Variants in COLQ observed in about 807,000 individuals in gnomAD.
COLQ encodes acetylcholinesterase collagenic tail peptide.
Under a neutral mutation model 69.0 loss-of-function variants are expected in COLQ, and 48 were observed. That is an observed-to-expected ratio of 0.70 (90% CI 0.55 to 0.88). The LOEUF is 0.88. Ranked by LOEUF, COLQ falls within the 40% of genes least tolerant of loss-of-function variation. COLQ has a pLI of 0.00. For synonymous variants in COLQ, 217 were observed against 211.2 expected (o/e 1.03, Z -0.24); for missense variants, 618 against 594.6 (o/e 1.04, Z -0.41).
chr3:15,484,253 T>G (rs2062538059), intron 3 of COLQ, among the ~76,000 whole-genome samples: 1 of 152,250 alleles, frequency 6.6e-6, no homozygotes, highest in Non-Finnish European at 1.5e-5. Flanking sequence ...ATCCTGTCAT[T>G]ATGATGTTAG....
rs974397409 is a variant in COLQ, at chr3:15,468,328, T to G, written c.718-1891A>C. 9.7e-3 allele frequency among the ~76,000 whole-genome samples: 1,339 copies of G among 138,490 alleles called. 25 individuals carry two copies. The highest frequency in any genetic ancestry group is 0.035 in the African/African-American group (1,285 of 37,204). 90.9% of individuals were successfully genotyped at this position (138,490 alleles called of 152,430 possible). On this transcript the variant is annotated intron_variant, in intron 11 of 16. Coordinates refer to ENST00000383788, the MANE Select transcript of COLQ (RefSeq NM_005677.4). ...TGTTTCTCAGTTACTGAAGTTTTTTTTTTTTTTTTTTTTTTTTTTTGAGAG... is the reference window on the plus strand; with the variant it reads ...TGTTTCTCAGTTACTGAAGTTTTTTGTTTTTTTTTTTTTTTTTTTTGAGAG...
In COLQ at chr3:15,472,137, C is replaced by T. The variant is rs111928975; in HGVS notation, c.637-1521G>A. Among the ~76,000 whole-genome samples the T allele has an allele frequency of 4.5e-3, 680 of 152,254 alleles. 8 individuals are homozygous for T. The highest frequency in any genetic ancestry group is 0.015 in the African/African-American group (634 of 41,536). ...GTCATAAAAGGGGAAGACAACTCTTCAGATGGGAAGTCTAGTAAATGGTGC... is the reference window on the plus strand; with the variant it reads ...GTCATAAAAGGGGAAGACAACTCTTTAGATGGGAAGTCTAGTAAATGGTGC... On this transcript the variant is annotated intron_variant, in intron 10 of 16. Transcript: ENST00000383788.
Position 15,456,585 on chromosome 3 carries a change from A to G in COLQ, c.955-6T>C, listed in dbSNP as rs372534357. The G allele has an allele frequency of 1.5e-5, 25 of 1,613,892 alleles. No homozygotes were observed. The Admixed American group carries it at 2.5e-4, about 16-fold the overall frequency. ...TGGTTGTTGACCACAAAAATCTGCC[A>G]GAGAACACACTGGTGAGGATTCCAG... On this transcript the variant is annotated splice_region_variant and splice_polypyrimidine_tract_variant and intron_variant, in intron 13 of 16. Transcript: ENST00000383788.
intron 3 of COLQ, among the ~76,000 whole-genome samples, chr3:15,486,634 G>A (rs1575481883): frequency 6.6e-6 from 1 of 152,268 alleles, no homozygotes; most frequent in South Asian, 2.1e-4. Context: ...AGATAGAAAT[G>A]CACCTCCGAG....
intron 1 of COLQ, among the ~76,000 whole-genome samples, chr3:15,498,317 C>A (rs553085603): frequency 6.6e-6 from 1 of 152,290 alleles, no homozygotes; most frequent in African/African-American, 2.4e-5. Context: ...AACTTCAACA[C>A]TGGCTGAGCA....
Position 15,507,889 on chromosome 3 carries a change from TATATAGGAAAG to T in COLQ, c.106+13620_106+13630del, listed in dbSNP as rs1309463368. Among the ~76,000 whole-genome samples the T allele has an allele frequency of 3.5e-4, 54 of 152,352 alleles. 1 individual carries two copies. The highest frequency in any genetic ancestry group is 1.2e-3 in the African/African-American group (51 of 41,588). On this transcript the variant is annotated intron_variant, in intron 1 of 16. Transcript: ENST00000383788. Reference sequence around the variant, plus strand: ...TTTTTCTCTTACATTATTTTTCCTATATATAGGAAAGAAACACTTTATTATATGGCTTGCAA... The same window carrying T: ...TTTTTCTCTTACATTATTTTTCCTATAAACACTTTATTATATGGCTTGCAA...
intron 12 of COLQ, among the ~76,000 whole-genome samples, chr3:15,462,929 G>C (rs889266497): frequency 1.3e-5 from 2 of 152,234 alleles, no homozygotes; most frequent in African/African-American, 4.8e-5. Flanking sequence ...CTGAAGGGTA[G>C]AGGGCAGGGC....
At chr3:15,517,230 T>C (rs551986779) in intron 1 of COLQ, among the ~76,000 whole-genome samples, 1 of 152,322 alleles carries the variant, frequency 6.6e-6, no homozygotes, top group Admixed American at 6.5e-5. Flanking sequence ...TATCACTATT[T>C]ATCCAAAACC....
At chr3:15,456,316 T>G in intron 14 of COLQ, 144 bp downstream of exon 14, 4 of 1,134,974 alleles carry the variant, frequency 3.5e-6, no homozygotes, top group East Asian at 2.5e-5. Flanking sequence ...TCAGAGAGAG[T>G]TTGAGGGAGG....
intron 16 of COLQ, 138 bp from the exon 17 acceptor site, chr3:15,451,851 G>A: frequency 5.2e-6 from 4 of 763,818 alleles, no homozygotes; most frequent in Admixed American, 2.0e-5. Context: ...TGAGAGGCCT[G>A]GGGGAGTTGA....
intron 1 of COLQ, among the ~76,000 whole-genome samples, chr3:15,512,726 T>C (rs75568205): frequency 0.13 from 20,466 of 152,218 alleles, 1,483 homozygotes; most frequent in East Asian, 0.18. Context: ...TATGTATATA[T>C]CACACATTGT....
chr3:15,497,263 T>C (rs909356), intron 1 of COLQ, among the ~76,000 whole-genome samples: 62,421 of 151,734 alleles, frequency 0.41, 13,851 homozygotes, highest in East Asian at 0.63. Context: ...AGGCTGGTCT[T>C]GAACTCCTGA....
chr3:15,467,748 G>T (rs574863882), intron 11 of COLQ: 1 of 412,260 alleles, frequency 2.4e-6, no homozygotes, highest in Non-Finnish European at 4.9e-6. Context: ...CTACACTTGC[G>T]CCTTGGCAGG....
At position 15,458,253 on chromosome 3, in the gene COLQ, G is replaced by A; in HGVS notation, c.887C>T (p.Thr296Ile). Residue 296 changes from threonine to isoleucine, a missense_variant, in exon 13 of 17, where the codon ACT (threonine) becomes ATT (isoleucine). Transcript: ENST00000383788. Reference protein sequence around the residue: ...GPPGRCLCGPTMNVNNPSYGE... With the variant: ...GPPGRCLCGPIMNVNNPSYGE... Reference sequence around the variant, plus strand: ...GTAGGAAGGGTTATTCACATTCATAGTGGGTCCACAAAGACATCTTCCTGG... The same window carrying A: ...GTAGGAAGGGTTATTCACATTCATAATGGGTCCACAAAGACATCTTCCTGG... 1.2e-6 allele frequency: 2 copies of A among 1,614,130 alleles called. No homozygotes were observed. The highest frequency in any genetic ancestry group is 1.7e-6 in the Non-Finnish European group (2 of 1,179,990).
rs1379759839 is a variant in COLQ at position 15,450,208 on chromosome 3, C to A, written c.*1436G>T. ...TGTGATGGTGGAAGCAGCATGAAAACAACATCTCCCCAGGCCTCGCAGTAG... is the reference window on the plus strand; with the variant it reads ...TGTGATGGTGGAAGCAGCATGAAAAAAACATCTCCCCAGGCCTCGCAGTAG... On this transcript the variant is annotated 3_prime_UTR_variant, in exon 17 of 17. Coordinates refer to ENST00000383788, the MANE Select transcript of COLQ (RefSeq NM_005677.4). The A allele has an allele frequency of 6.5e-6, 1 of 152,676 alleles. No homozygotes were observed. Among genetic ancestry groups the A allele is most frequent in the Non-Finnish European group, 1.5e-5 (1 of 68,072 alleles). 9.5% of individuals were successfully genotyped at this position (152,676 alleles called of 1,614,324 possible). A position where few individuals can be genotyped will look rare whatever the true frequency, so the allele number is the denominator to read the frequency against.
Position 15,451,624 on chromosome 3 carries a change from C to T in COLQ, c.*20G>A, listed in dbSNP as rs766337085. On this transcript the variant is annotated 3_prime_UTR_variant, in exon 17 of 17. Transcript: ENST00000383788. ...TGCTGCCAGTTCTGTGGGGCGCAGC[C>T]CACCTTCTCCTCACGGCCCTCAGGT... The T allele has an allele frequency of 6.8e-6, 11 of 1,612,952 alleles. No homozygotes were observed. In the South Asian group the frequency reaches 1.2e-4, roughly 18 times the overall value.
chr3:15,502,090 A>G (rs958408852), intron 1 of COLQ, among the ~76,000 whole-genome samples: 3 of 148,458 alleles, frequency 2.0e-5, no homozygotes, highest in African/African-American at 7.4e-5. Flanking sequence ...GTTTTCATCT[A>G]TCTCATCTGC....
At chr3:15,501,601 C>T (rs976816823) in intron 1 of COLQ, among the ~76,000 whole-genome samples, 10 of 152,198 alleles carry the variant, frequency 6.6e-5, no homozygotes, top group Non-Finnish European at 1.2e-4. Flanking sequence ...ATTCTTTCCT[C>T]GGCCAAGCTT....
chr3:15,459,478 CTTTT>C (rs769741069), intron 12 of COLQ, among the ~76,000 whole-genome samples: 4 of 135,546 alleles, frequency 3.0e-5, no homozygotes, highest in Non-Finnish European at 4.8e-5. Flanking sequence ...ATAAGGCATC[CTTTT>C]TTTTTTTTTT....
Sources: allele counts gnomAD v4.1 joint callset (sites outside exome capture counted in the v4.1 genomes callset), GRCh38; gene constraint gnomAD v4.1.1; transcripts MANE v1.5; gene names NCBI Gene and HGNC (gene_info 2026-07-23, HGNC 2026-07-21).